Variants in EFHC1 observed in about 807,000 individuals in gnomAD.
EFHC1 encodes the protein EF-hand domain-containing protein 1.
Under a neutral mutation model 69.9 loss-of-function variants are expected in EFHC1, and 53 were observed. The ratio of observed to expected loss-of-function variants is 0.76; its 90% confidence interval spans 0.61 to 0.95. The LOEUF (loss-of-function observed/expected upper bound fraction) is 0.95. Ranked by LOEUF, EFHC1 falls within the 40% of genes least tolerant of loss-of-function variation. EFHC1 has a pLI of 0.00. For missense variants in EFHC1, 739 were observed against 798.7 expected (o/e 0.93, Z 0.90); for synonymous variants, 256 against 278.4 (o/e 0.92, Z 0.80).
Position 52,495,103 on chromosome 6 carries a change from A to G in EFHC1, c.*2762A>G. 2 of 454,080 alleles carry G rather than the reference A, an allele frequency of 4.4e-6. No homozygotes were observed. Among genetic ancestry groups the G allele is most frequent in the Non-Finnish European group, 8.8e-6 (2 of 226,788 alleles). The allele number at this position is 454,080 out of a possible 1,614,324, so 28.1% of individuals were successfully genotyped here. ...CCCGGCTCTAATGGTATGGTCTCCAAGGCTCCTTCTGATCTTCCCAGGAGG... is the reference window on the plus strand; with the variant it reads ...CCCGGCTCTAATGGTATGGTCTCCAGGGCTCCTTCTGATCTTCCCAGGAGG... On this transcript the variant is annotated 3_prime_UTR_variant, in exon 11 of 11. Coordinates refer to ENST00000371068, the MANE Select transcript of EFHC1 (RefSeq NM_018100.4).
At chr6:52,427,870 T>C (rs1399960811) in intron 2 of EFHC1, among the ~76,000 whole-genome samples, 2 of 152,122 alleles carry the variant, frequency 1.3e-5, no homozygotes, top group African/African-American at 2.4e-5. Flanking sequence ...ATTTCCCCCC[T>C]TCATCTTGAA....
intron 9 of EFHC1, chr6:52,482,942 A>G (rs560557659): frequency 1.5e-5 from 6 of 398,152 alleles, no homozygotes; most frequent in Admixed American, 4.4e-5. Context: ...TTATTGGCCA[A>G]TTCTCTCTTT....
At chr6:52,461,554 G>C (rs1375764036) in intron 5 of EFHC1, among the ~76,000 whole-genome samples, 4 of 152,018 alleles carry the variant, frequency 2.6e-5, no homozygotes, top group Admixed American at 2.6e-4. Flanking sequence ...TTTATGATAG[G>C]ATGATTTATA....
chr6:52,431,377 C>T (rs924948640), intron 2 of EFHC1, among the ~76,000 whole-genome samples: 3 of 152,006 alleles, frequency 2.0e-5, no homozygotes, highest in African/African-American at 7.2e-5. Context: ...TTTGCTGTAT[C>T]CCAGAGGCTT....
rs1258328043 is a variant in EFHC1 at position 52,464,877 on chromosome 6, A to G, written c.917-18A>G. The G allele has an allele frequency of 6.2e-7, 1 of 1,606,244 alleles. No individual in the cohort carries two copies. The highest frequency in any genetic ancestry group is 8.5e-7 in the Non-Finnish European group (1 of 1,172,904). ...ACTCATTCCTTCTTTTTTTCTCTCT[A>G]ACACCATCTTATATTAGAGAACTTC... On this transcript the variant is annotated intron_variant, in intron 5 of 10. Coordinates refer to ENST00000371068, the MANE Select transcript of EFHC1 (RefSeq NM_018100.4).
In EFHC1 at chr6:52,494,452, T is replaced by C; in HGVS notation, c.*2111T>C. ...TGCTGTTTCTAGCCCATGTAGGCTCTGGGAAAGGTTAAGCGGGTAGAAACC... is the reference window on the plus strand; with the variant it reads ...TGCTGTTTCTAGCCCATGTAGGCTCCGGGAAAGGTTAAGCGGGTAGAAACC... On this transcript the variant is annotated 3_prime_UTR_variant, in exon 11 of 11. Transcript: ENST00000371068. 2.2e-6 allele frequency: 1 copy of C among 454,132 alleles called. No homozygotes were observed. The highest frequency in any genetic ancestry group is 1.6e-5 in the South Asian group (1 of 64,478). The allele number at this position is 454,132 out of a possible 1,614,324, so 28.1% of individuals were successfully genotyped here.
At chr6:52,423,656 A>C in intron 1 of EFHC1, 2 of 488,038 alleles carry the variant, frequency 4.1e-6, no homozygotes, top group Non-Finnish European at 6.9e-6. Context: ...ACACCCAGCT[A>C]ATTTTTTTTT....
At chr6:52,467,475 C>G (rs755491311) in intron 6 of EFHC1, among the ~76,000 whole-genome samples, 16 of 152,156 alleles carry the variant, frequency 1.1e-4, no homozygotes, top group Admixed American at 9.2e-4. Context: ...GCCACCGCAC[C>G]GGCCTGATCT....
At chr6:52,487,922 C>A in intron 9 of EFHC1, 1 of 152,346 alleles carries the variant, frequency 6.6e-6, no homozygotes, top group Non-Finnish European at 1.5e-5. Context: ...CCAGAGTGTG[C>A]CCTGACTTGG....
At chr6:52,424,253 AT>A in intron 2 of EFHC1, 86 bp downstream of exon 2, 4 of 1,280,460 alleles carry the variant, frequency 3.1e-6, no homozygotes. Flanking sequence ...AAACCACAGA[AT>A]TTCCAAAGGG....
chr6:52,478,929 C>A, intron 7 of EFHC1, 108 bp from the exon 8 acceptor site: 5 of 1,055,892 alleles, frequency 4.7e-6, no homozygotes, highest in Non-Finnish European at 7.2e-6. Context: ...TTGTAAAAAC[C>A]CAGACTGCTT....
intron 8 of EFHC1, 142 bp downstream of exon 8, chr6:52,479,392 A>G: frequency 1.9e-6 from 2 of 1,063,106 alleles, no homozygotes; most frequent in Non-Finnish European, 2.8e-6. Context: ...ATATGGTATA[A>G]TGTGTTAATC....
intron 2 of EFHC1, among the ~76,000 whole-genome samples, chr6:52,431,651 C>T (rs924947552): frequency 5.3e-5 from 8 of 152,048 alleles, no homozygotes; most frequent in Non-Finnish European, 1.2e-4. Context: ...AAGTTCTATG[C>T]GCTGTTGAAT....
chr6:52,495,850 C>G lies in EFHC1; in HGVS notation c.*3509C>G, dbSNP rs1484625196. The G allele has an allele frequency of 5.8e-6, 2 of 343,980 alleles. No homozygotes were observed. The highest frequency in any genetic ancestry group is 1.1e-5 in the Non-Finnish European group (2 of 175,444). The allele number at this position is 343,980 out of a possible 1,614,324, so 21.3% of individuals were successfully genotyped here. A position where few individuals can be genotyped will look rare whatever the true frequency, so the allele number is the denominator to read the frequency against. On this transcript the variant is annotated 3_prime_UTR_variant, in exon 11 of 11. Transcript: ENST00000371068. ...TTACTTAAGACTGAGAAGCTGAGATCTGACAGCACCAACACAAGGTATAAA... is the reference window on the plus strand; with the variant it reads ...TTACTTAAGACTGAGAAGCTGAGATGTGACAGCACCAACACAAGGTATAAA...
chr6:52,490,587 T>C (rs959094335), intron 10 of EFHC1: 2 of 601,160 alleles, frequency 3.3e-6, no homozygotes, highest in African/African-American at 3.7e-5. Context: ...CACAGAGTGG[T>C]TAGTAGACCA....
chr6:52,466,258 C>T (rs1169186057), intron 6 of EFHC1, among the ~76,000 whole-genome samples: 2 of 152,144 alleles, frequency 1.3e-5, no homozygotes, highest in South Asian at 2.1e-4. Flanking sequence ...CAGCCAGGGC[C>T]CTGCCTTCCC....
intron 3 of EFHC1, among the ~76,000 whole-genome samples, chr6:52,450,146 T>G (rs1409548721): frequency 2.0e-5 from 3 of 152,216 alleles, no homozygotes; most frequent in Admixed American, 2.0e-4. Context: ...ACTTCTATTT[T>G]TATTATGCTG....
At chr6:52,438,646 G>C in intron 3 of EFHC1, 55 bp downstream of exon 3, 1 of 1,571,978 alleles carries the variant, frequency 6.4e-7, no homozygotes, top group Non-Finnish European at 8.7e-7. Context: ...CTAATTTATA[G>C]AAGGATACAT....
At chr6:52,420,662 C>T (rs1581807120) in intron 1 of EFHC1, among the ~76,000 whole-genome samples, 189 bp downstream of exon 1, 1 of 152,314 alleles carries the variant, frequency 6.6e-6, no homozygotes, top group Middle Eastern at 3.4e-3. Context: ...CTCATCCCCT[C>T]TCTCCGATCC....
Sources: allele counts gnomAD v4.1 joint callset (sites outside exome capture counted in the v4.1 genomes callset), GRCh38; gene constraint gnomAD v4.1.1; transcripts MANE v1.5; gene names NCBI Gene and HGNC (gene_info 2026-07-23, HGNC 2026-07-21).